The following MTMR2 variants were observed in gnomAD, a reference collection of about 807,000 sequenced individuals.
MTMR2 encodes phosphatidylinositol-3,5-bisphosphate 3-phosphatase MTMR2.
MTMR2 carries 55 observed loss-of-function variants against 86.9 expected under a neutral mutation model. That is an observed-to-expected ratio of 0.63 (90% CI 0.51 to 0.79). MTMR2 has a LOEUF of 0.79. Ranked by LOEUF, MTMR2 falls within the 30% of genes least tolerant of loss-of-function variation. The pLI is 0.00. For synonymous variants in MTMR2, 241 were observed against 266.8 expected (o/e 0.90, Z 0.94); for missense variants, 659 against 772.3 (o/e 0.85, Z 1.74).
intron 2 of MTMR2, among the ~76,000 whole-genome samples, chr11:95,868,362 G>A (rs1864715267): frequency 6.8e-6 from 1 of 146,984 alleles, no homozygotes; most frequent in African/African-American, 2.5e-5. Context: ...TAAGGAGAGA[G>A]ACACAATGAA....
At chr11:95,868,303 A>AAG (rs1555066771) in intron 2 of MTMR2, among the ~76,000 whole-genome samples, 1 of 68,352 alleles carries the variant, frequency 1.5e-5, no homozygotes. Flanking sequence ...AAAAAAAAAG[A>AAG]AAGAAAAAGA....
At chr11:95,902,758 A>T (rs566677831) in intron 1 of MTMR2, among the ~76,000 whole-genome samples, 2 of 152,264 alleles carry the variant, frequency 1.3e-5, no homozygotes, top group East Asian at 3.9e-4. Context: ...CAGAAAAATA[A>T]GCCCTTTTAT....
intron 1 of MTMR2, chr11:95,913,055 T>C (rs564301091): frequency 6.2e-4 from 95 of 152,240 alleles, no homozygotes; most frequent in African/African-American, 2.2e-3. Flanking sequence ...ACCAAGTCTA[T>C]CCAATGATTT....
At chr11:95,884,903 T>C (rs535845956) in intron 2 of MTMR2, among the ~76,000 whole-genome samples, 22 of 152,258 alleles carry the variant, frequency 1.4e-4, no homozygotes, top group African/African-American at 4.6e-4. Context: ...ACTTTTCTTT[T>C]TTTTCTCTGC....
intron 7 of MTMR2, among the ~76,000 whole-genome samples, chr11:95,854,985 T>C (rs368871951): frequency 4.0e-5 from 6 of 151,052 alleles, no homozygotes; most frequent in African/African-American, 1.5e-4. Flanking sequence ...AATTTTTGTA[T>C]TTTTGGTAGA....
intron 7 of MTMR2, among the ~76,000 whole-genome samples, chr11:95,853,411 CA>C (rs1327843382): frequency 6.6e-6 from 1 of 152,148 alleles, no homozygotes; most frequent in Non-Finnish European, 1.5e-5. Context: ...ACTGCCTCCA[CA>C]GTAATCTTTT....
intron 7 of MTMR2, among the ~76,000 whole-genome samples, chr11:95,856,122 T>C (rs891021634): frequency 5.9e-5 from 9 of 152,058 alleles, no homozygotes; most frequent in African/African-American, 2.2e-4. Flanking sequence ...TACCATATGC[T>C]TAAAAAAACA....
chr11:95,901,680 C>A (rs1443672303), intron 1 of MTMR2, among the ~76,000 whole-genome samples: 1 of 152,032 alleles, frequency 6.6e-6, no homozygotes, highest in Non-Finnish European at 1.5e-5. Flanking sequence ...GGAGAAATGC[C>A]CTCAAAGTGC....
chr11:95,878,868 A>G (rs1227601231), intron 2 of MTMR2, among the ~76,000 whole-genome samples: 3 of 152,108 alleles, frequency 2.0e-5, no homozygotes. Flanking sequence ...AATTTCTTTC[A>G]TTTCACCTCA....
chr11:95,918,477 A>G (rs1383862530), intron 1 of MTMR2, among the ~76,000 whole-genome samples: 1 of 152,242 alleles, frequency 6.6e-6, no homozygotes, highest in Non-Finnish European at 1.5e-5. Context: ...TTCACTATCA[A>G]CTTGCATTCT....
intron 1 of MTMR2, among the ~76,000 whole-genome samples, chr11:95,912,011 C>G (rs1004384918): frequency 1.3e-5 from 2 of 151,462 alleles, no homozygotes; most frequent in Admixed American, 6.6e-5. Context: ...TAATCTTTCA[C>G]TACCCTTTCA....
intron 5 of MTMR2, among the ~76,000 whole-genome samples, chr11:95,859,940 G>A (rs1173173511): frequency 6.6e-6 from 1 of 152,146 alleles, no homozygotes; most frequent in Non-Finnish European, 1.5e-5. Flanking sequence ...TTATAACTAG[G>A]TGAGATACTC....
In MTMR2 at chr11:95,858,593, G is replaced by A. The variant is rs1419183415; in HGVS notation, c.508C>T (p.Arg170Trp). 9.3e-6 allele frequency: 15 copies of A among 1,612,416 alleles called. No homozygotes were observed. The highest frequency in any genetic ancestry group is 2.2e-5 in the East Asian group (1 of 44,786). Residue 170 changes from arginine to tryptophan, a missense_variant, in exon 6 of 15, where the codon CGG becomes TGG. Coordinates refer to ENST00000346299, the MANE Select transcript of MTMR2 (RefSeq NM_016156.6). ...NLRFAHKPEG[R>W]TRRSIFENLM... ...TTCTCAAATATGGATCTTCTTGTCCGCCCCTCAGGTTTATGAGCAAATCGT... is the reference window on the plus strand; with the variant it reads ...TTCTCAAATATGGATCTTCTTGTCCACCCCTCAGGTTTATGAGCAAATCGT...
intron 1 of MTMR2, among the ~76,000 whole-genome samples, chr11:95,910,105 A>G (rs1038725777): frequency 1.4e-5 from 2 of 148,016 alleles, no homozygotes; most frequent in African/African-American, 4.9e-5. Context: ...ATAAACACAC[A>G]CACACACACG....
In MTMR2 at chr11:95,841,632, C is replaced by T; in HGVS notation, c.1464G>A (p.Trp488Ter). The change falls in exon 12 of 15, where the codon TGG becomes TGA. Residue 488 changes from tryptophan (W) to a stop codon, truncating the protein, a stop_gained. Coordinates refer to ENST00000346299, the MANE Select transcript of MTMR2 (RefSeq NM_016156.6). LOFTEE classifies it high-confidence loss of function. ...PVFLQFIDCV[W>*]QMTRQFPTAF... is the part of the protein sequence containing the mutation. Reference sequence around the variant, plus strand: ...GATAAATTACCTGTCTTGTCATCTGCCAGACACAGTCAATAAATTGAAGAA... The same window carrying T: ...GATAAATTACCTGTCTTGTCATCTGTCAGACACAGTCAATAAATTGAAGAA... 1 of 1,612,050 alleles carries T rather than the reference C, an allele frequency of 6.2e-7. No homozygotes were observed. The highest frequency in any genetic ancestry group is 8.5e-7 in the Non-Finnish European group (1 of 1,178,242).
intron 2 of MTMR2, 50 bp from the exon 3 acceptor site, chr11:95,865,726 T>C (rs766221223): frequency 6.9e-7 from 1 of 1,445,164 alleles, no homozygotes; most frequent in South Asian, 1.1e-5. Flanking sequence ...CAAAGGCTAC[T>C]TTTTCACTCA....
In MTMR2 at chr11:95,861,439, T is replaced by C. The variant is rs550707531; in HGVS notation, c.468+553A>G. 4.8e-5 allele frequency among the ~76,000 whole-genome samples: 7 copies of C among 145,588 alleles called. No homozygotes were observed. The South Asian group carries it at 1.5e-3, about 32-fold the overall frequency. ...ATTATTATTATTATTATTATTATTATTTCAGACAGAGTCTTACTCTGTTGC... is the reference window on the plus strand; with the variant it reads ...ATTATTATTATTATTATTATTATTACTTCAGACAGAGTCTTACTCTGTTGC... On this transcript the variant is annotated intron_variant, in intron 5 of 14. Transcript: ENST00000346299.
chr11:95,876,868 A>ACT (rs1343122840), intron 2 of MTMR2, among the ~76,000 whole-genome samples: 3 of 151,960 alleles, frequency 2.0e-5, no homozygotes, highest in Admixed American at 6.6e-5. Context: ...ACAAAAATGC[A>ACT]CTCTCTCACA....
At chr11:95,912,527 A>T (rs1336058519) in intron 1 of MTMR2, among the ~76,000 whole-genome samples, 2 of 151,960 alleles carry the variant, frequency 1.3e-5, no homozygotes, top group African/African-American at 4.8e-5. Context: ...ACTCTCTAGT[A>T]ATTTGAGAAT....
Sources: allele counts gnomAD v4.1 joint callset (sites outside exome capture counted in the v4.1 genomes callset), GRCh38; gene constraint gnomAD v4.1.1; transcripts MANE v1.5; gene names NCBI Gene and HGNC (gene_info 2026-07-23, HGNC 2026-07-21).